The following DMXL1 variants were observed in gnomAD, a reference collection of about 807,000 sequenced individuals.
The protein encoded by DMXL1 is dmX-like protein 1.
DMXL1 carries 99 observed loss-of-function variants against 319.2 expected under a neutral mutation model. That is an observed-to-expected ratio of 0.31 (90% CI 0.26 to 0.37). The LOEUF (loss-of-function observed/expected upper bound fraction) is 0.37, where lower values mean the gene tolerates loss of function less well. Ranked by LOEUF, DMXL1 falls within the 10% of genes least tolerant of loss-of-function variation. The pLI, the probability that DMXL1 is intolerant of heterozygous loss-of-function variation, is 1.00. For missense variants in DMXL1, 3,745 were observed against 3,595.6 expected, an observed-to-expected ratio of 1.04 and a Z score of -1.06; for synonymous variants, 1,385 against 1,235.2, an observed-to-expected ratio of 1.12 and a Z score of -2.54.
intron 28 of DMXL1, 116 bp from the exon 29 acceptor site, chr5:119,189,592 A>T: frequency 1.1e-6 from 1 of 919,760 alleles, no homozygotes; most frequent in Non-Finnish European, 1.6e-6. Flanking sequence ...TCATAATCTC[A>T]ATCTTATTTT....
intron 23 of DMXL1, 28 bp downstream of exon 23, chr5:119,167,892 AT>A (rs1773750425): frequency 6.3e-7 from 1 of 1,594,862 alleles, no homozygotes; most frequent in South Asian, 1.1e-5. Context: ...GATGTTAATG[AT>A]TAAGAATATT....
At chr5:119,188,363 A>G (rs1778123465) in intron 28 of DMXL1, among the ~76,000 whole-genome samples, 1 of 152,204 alleles carries the variant, frequency 6.6e-6, no homozygotes, top group African/African-American at 2.4e-5. Context: ...GAGTCAAGGG[A>G]TTAAATCCAG....
At chr5:119,101,776 A>T (rs1209138789) in intron 2 of DMXL1, among the ~76,000 whole-genome samples, 159 bp from the exon 3 acceptor site, 3 of 152,216 alleles carry the variant, frequency 2.0e-5, no homozygotes, top group African/African-American at 4.8e-5. Context: ...TAGGATTCTA[A>T]TGCAGATGTG....
At chr5:119,125,853 C>T (rs889819407) in intron 9 of DMXL1, among the ~76,000 whole-genome samples, 14 of 152,226 alleles carry the variant, frequency 9.2e-5, no homozygotes, top group South Asian at 4.1e-4. Flanking sequence ...CGTGAGCCAC[C>T]GCGCCTGGCC....
chr5:119,215,967 G>C (rs1208603003), intron 34 of DMXL1, among the ~76,000 whole-genome samples: 1 of 151,584 alleles, frequency 6.6e-6, no homozygotes, highest in Non-Finnish European at 1.5e-5. Flanking sequence ...GTGGTGGCAG[G>C]TGCCTGTAAT....
intron 29 of DMXL1, among the ~76,000 whole-genome samples, chr5:119,192,311 T>C (rs896933195): frequency 3.3e-5 from 5 of 152,230 alleles, no homozygotes; most frequent in African/African-American, 1.2e-4. Flanking sequence ...TTCTTTCTTT[T>C]CTTCTCTACT....
chr5:119,076,239 A>T (rs1214642779), intron 1 of DMXL1, among the ~76,000 whole-genome samples: 3 of 152,216 alleles, frequency 2.0e-5, no homozygotes, highest in African/African-American at 7.2e-5. Flanking sequence ...AAATCAAAAG[A>T]CTGTAATTAT....
chr5:119,233,219 G>T (rs1787109737), intron 38 of DMXL1, 121 bp from the exon 39 acceptor site: 4 of 1,001,044 alleles, frequency 4.0e-6, no homozygotes, highest in Non-Finnish European at 5.9e-6. Flanking sequence ...TCATACAAAG[G>T]TAAATTTATA....
intron 28 of DMXL1, among the ~76,000 whole-genome samples, chr5:119,187,653 A>G (rs919059451): frequency 6.6e-6 from 1 of 151,980 alleles, no homozygotes. Flanking sequence ...GCTTCATTAA[A>G]AGTGTTGTTT....
chr5:119,242,780 G>C (rs541467976), intron 42 of DMXL1, among the ~76,000 whole-genome samples: 1 of 152,210 alleles, frequency 6.6e-6, no homozygotes, highest in African/African-American at 2.4e-5. Flanking sequence ...AACAGAATGG[G>C]GAGCCCACTA....
intron 29 of DMXL1, among the ~76,000 whole-genome samples, chr5:119,193,198 C>T (rs909574205): frequency 6.6e-6 from 1 of 152,148 alleles, no homozygotes; most frequent in Non-Finnish European, 1.5e-5. Flanking sequence ...CATTCCCTTA[C>T]ATTCCTTTAC....
At chr5:119,111,865 T>C (rs961314802) in intron 5 of DMXL1, among the ~76,000 whole-genome samples, 1 of 152,204 alleles carries the variant, frequency 6.6e-6, no homozygotes, top group Admixed American at 6.5e-5. Context: ...AAATCAAGAA[T>C]GTGAAATGTT....
chr5:119,234,465 TATC>T (rs1787355300), intron 39 of DMXL1, among the ~76,000 whole-genome samples: 1 of 152,194 alleles, frequency 6.6e-6, no homozygotes, highest in South Asian at 2.1e-4. Flanking sequence ...ACATTCCTTT[TATC>T]ATTGTGTGCT....
Position 119,218,698 on chromosome 5 carries a change from A to G in DMXL1, c.8013+1711A>G, listed in dbSNP as rs75128804. On this transcript the variant is annotated intron_variant, in intron 35 of 43. Coordinates refer to ENST00000539542, the MANE Select transcript of DMXL1 (RefSeq NM_001290321.3). ...ATGGTCTCGATCTCTTTACCTCGTG[A>G]TCCGCCTGCCTCGGCCTCCCAAAGT... 4.0e-4 allele frequency among the ~76,000 whole-genome samples: 61 copies of G among 152,250 alleles called. 1 individual carries two copies. The East Asian group carries it at 0.011, about 28-fold the overall frequency.
intron 38 of DMXL1, among the ~76,000 whole-genome samples, chr5:119,229,290 C>T (rs955081255): frequency 1.3e-5 from 2 of 151,890 alleles, no homozygotes; most frequent in Non-Finnish European, 2.9e-5. Context: ...AGGAAATTAT[C>T]TTGATAAAAC....
chr5:119,194,820 C>T lies in DMXL1; in HGVS notation c.7457+850C>T, dbSNP rs1581251063. Among the ~76,000 whole-genome samples, 6 of 152,072 alleles carry T rather than the reference C, an allele frequency of 3.9e-5. 1 individual carries two copies. The South Asian group carries it at 1.2e-3, about 32-fold the overall frequency. On this transcript the variant is annotated intron_variant, in intron 30 of 43. Transcript: ENST00000539542. ...CTGTAATCCCAGAACATTGGGAGGC[C>T]GAGGTGGTCAGATCACTTGAGCGCA...
chr5:119,107,335 T>A (rs1480356767), intron 4 of DMXL1, among the ~76,000 whole-genome samples: 1 of 151,686 alleles, frequency 6.6e-6, no homozygotes, highest in Non-Finnish European at 1.5e-5. Context: ...AGCAAGAACT[T>A]GTCTCAGAAA....
At chr5:119,218,011 AG>A (rs1190280263) in intron 35 of DMXL1, among the ~76,000 whole-genome samples, 2 of 152,102 alleles carry the variant, frequency 1.3e-5, no homozygotes, top group Non-Finnish European at 2.9e-5. Flanking sequence ...TGTTTGAAAC[AG>A]GCAAATCTGG....
chr5:119,176,520 G>C (rs2095295604), intron 26 of DMXL1, among the ~76,000 whole-genome samples: 2 of 151,808 alleles, frequency 1.3e-5, no homozygotes, highest in South Asian at 4.1e-4. Context: ...GATTTCTATA[G>C]GAATGAGGGA....
Sources: gnomAD v4.1 joint callset for allele counts (sites outside exome capture counted in the v4.1 genomes callset) on GRCh38, gnomAD v4.1.1 for gene constraint, MANE v1.5 for transcripts, NCBI Gene and HGNC (gene_info 2026-07-23, HGNC 2026-07-21) for gene names.